The following CTNND2 variants were observed in gnomAD, a reference collection of about 807,000 sequenced individuals.
The protein encoded by CTNND2 is catenin delta 2, also known as catenin delta-2.
CTNND2 carries 22 observed loss-of-function variants against 144.4 expected under a neutral mutation model. The observed-to-expected ratio is 0.15, with a 90% CI of 0.11 to 0.22. The LOEUF (loss-of-function observed/expected upper bound fraction) is 0.22, where lower values mean the gene tolerates loss of function less well. Among genes scored for constraint, CTNND2 ranks in the 10% least tolerant of loss-of-function variants. The probability of loss-of-function intolerance (pLI) is 1.00; values close to 1 mark genes in which losing one functional copy is unlikely to be tolerated. For missense variants in CTNND2, 1,353 were observed against 1,618.8 expected, an observed-to-expected ratio of 0.84 and a Z score of 2.82; for synonymous variants, 751 against 695.6, an observed-to-expected ratio of 1.08 and a Z score of -1.25.
At chr5:11,486,910 T>C (rs1768885880) in intron 3 of CTNND2, among the ~76,000 whole-genome samples, 1 of 152,218 alleles carries the variant, frequency 6.6e-6, no homozygotes, top group Admixed American at 6.5e-5. Flanking sequence ...ATATAGTTTA[T>C]ATCACACATA....
chr5:11,098,711 G>C lies in CTNND2; in HGVS notation c.2501C>G (p.Pro834Arg). The C allele has an allele frequency of 6.2e-7, 1 of 1,614,132 alleles. No homozygotes were observed. The highest frequency in any genetic ancestry group is 8.5e-7 in the Non-Finnish European group (1 of 1,180,002). ...CCACAGCATCTGGATCCCTTTTGGT[G>C]GTTCAGCACAGTCTGGAAGAGGTCC... Reference protein sequence around the residue: ...GVGPLPDCAEPPKGIQMLWHP... With the variant: ...GVGPLPDCAERPKGIQMLWHP... Residue 834 changes from proline (P) to arginine (R), a missense_variant, in exon 15 of 22, where the codon CCA becomes CGA. By Grantham distance (103) the Pro-to-Arg change is moderately radical. Coordinates refer to ENST00000304623, the MANE Select transcript of CTNND2 (RefSeq NM_001332.4).
At chr5:11,273,602 G>T (rs533914510) in intron 9 of CTNND2, among the ~76,000 whole-genome samples, 2 of 152,248 alleles carry the variant, frequency 1.3e-5, no homozygotes, top group African/African-American at 4.8e-5. Flanking sequence ...TCATGGGACC[G>T]TGTGCAGCTC....
intron 2 of CTNND2, among the ~76,000 whole-genome samples, chr5:11,581,658 T>A (rs1024753479): frequency 2.0e-5 from 3 of 152,216 alleles, no homozygotes; most frequent in Admixed American, 2.0e-4. Context: ...AGAGCAATCA[T>A]TCAAAATTAT....
At chr5:11,470,975 TA>T (rs1411241294) in intron 3 of CTNND2, among the ~76,000 whole-genome samples, 47 of 95,734 alleles carry the variant, frequency 4.9e-4, no homozygotes, top group African/African-American at 2.6e-3. Flanking sequence ...TATATATATA[TA>T]TATATTTTTT....
At chr5:11,354,295 T>C (rs773410413) in intron 8 of CTNND2, among the ~76,000 whole-genome samples, 4 of 152,206 alleles carry the variant, frequency 2.6e-5, no homozygotes, top group Non-Finnish European at 4.4e-5. Context: ...TATGTGGTTA[T>C]GGCATAAAAG....
intron 16 of CTNND2, among the ~76,000 whole-genome samples, chr5:11,048,235 A>C (rs922629206): frequency 1.8e-4 from 28 of 152,168 alleles, no homozygotes; most frequent in African/African-American, 6.8e-4. Context: ...TTAGCCATGA[A>C]CAAATAAAAC....
At chr5:11,075,262 C>G (rs1452879947) in intron 16 of CTNND2, among the ~76,000 whole-genome samples, 2 of 152,150 alleles carry the variant, frequency 1.3e-5, no homozygotes, top group African/African-American at 4.8e-5. Flanking sequence ...CCATCTTGTG[C>G]TCCTTTTGAG....
intron 11 of CTNND2, among the ~76,000 whole-genome samples, chr5:11,173,650 T>C (rs543977229): frequency 6.6e-6 from 1 of 152,326 alleles, no homozygotes; most frequent in South Asian, 2.1e-4. Context: ...TAATGTTTCA[T>C]TCCTTCTTGG....
At chr5:11,394,372 A>T (rs1759886920) in intron 6 of CTNND2, among the ~76,000 whole-genome samples, 1 of 152,160 alleles carries the variant, frequency 6.6e-6, no homozygotes, top group Non-Finnish European at 1.5e-5. Flanking sequence ...AATAACCTAG[A>T]CACACAAAGG....
intron 2 of CTNND2, among the ~76,000 whole-genome samples, chr5:11,672,154 G>A (rs1783905606): frequency 6.6e-6 from 1 of 152,208 alleles, no homozygotes; most frequent in Non-Finnish European, 1.5e-5. Flanking sequence ...CCCTCTGGAA[G>A]CTTCGTCCCA....
chr5:11,244,586 G>T (rs565505331), intron 9 of CTNND2, among the ~76,000 whole-genome samples: 1 of 152,112 alleles, frequency 6.6e-6, no homozygotes, highest in Non-Finnish European at 1.5e-5. Flanking sequence ...CGCCCGGCCT[G>T]TCCTATAAAA....
chr5:11,847,686 T>C (rs1287401300), intron 1 of CTNND2, among the ~76,000 whole-genome samples: 2 of 152,146 alleles, frequency 1.3e-5, no homozygotes, highest in African/African-American at 4.8e-5. Context: ...ATAATTACCC[T>C]GCTTTGTTCA....
At chr5:11,527,532 T>C (rs976727864) in intron 3 of CTNND2, among the ~76,000 whole-genome samples, 1 of 149,134 alleles carries the variant, frequency 6.7e-6, no homozygotes. Context: ...CTTTGCTCCA[T>C]CTCAGCCCCT....
At chr5:11,229,459 T>G (rs1476109110) in intron 10 of CTNND2, among the ~76,000 whole-genome samples, 1 of 152,142 alleles carries the variant, frequency 6.6e-6, no homozygotes, top group Admixed American at 6.5e-5. Flanking sequence ...AGTTCAAGGC[T>G]ACAGCACGCT....
intron 18 of CTNND2, among the ~76,000 whole-genome samples, chr5:11,013,377 T>G (rs990810460): frequency 2.0e-5 from 3 of 152,218 alleles, no homozygotes; most frequent in Non-Finnish European, 4.4e-5. Flanking sequence ...TATAGATAAT[T>G]TTGTATGCTT....
At chr5:11,703,878 A>C (rs886698020) in intron 2 of CTNND2, among the ~76,000 whole-genome samples, 1 of 152,220 alleles carries the variant, frequency 6.6e-6, no homozygotes, top group Non-Finnish European at 1.5e-5. Flanking sequence ...TAACTAAAAT[A>C]GTTAAGAAGG....
Position 11,903,877 on chromosome 5 carries a change from C to G in CTNND2, c.-24G>C, listed in dbSNP as rs1437170899. ...ATGCACCCTCCGCCGGCGACAGCTCCTCAGTCCGGGAAGAGGCGTGCGCGG... is the reference window on the plus strand; with the variant it reads ...ATGCACCCTCCGCCGGCGACAGCTCGTCAGTCCGGGAAGAGGCGTGCGCGG... On this transcript the variant is annotated 5_prime_UTR_variant, in exon 1 of 22. Coordinates refer to ENST00000304623, the MANE Select transcript of CTNND2 (RefSeq NM_001332.4). This position sits in a 1 kb window ranked among gnomAD's most constrained non-coding sequence, Gnocchi z 5.4. 6.8e-7 allele frequency: 1 copy of G among 1,461,536 alleles called. No homozygotes were observed. The highest frequency in any genetic ancestry group is 1.5e-5 in the African/African-American group (1 of 67,930). The allele number at this position is 1,461,536 out of a possible 1,614,324, so 90.5% of individuals were successfully genotyped here.
In CTNND2 at chr5:11,364,745, C is replaced by T; in HGVS notation, c.1323G>A (p.Gln441=). ...KPPMRSLSQS[Q]GDPLPPAHTG... ...TGTGTGCTGGCGGCAGAGGGTCCCCCTGGCTCTGGCTGAGACTCCTCATAG... is the reference window on the plus strand; with the variant it reads ...TGTGTGCTGGCGGCAGAGGGTCCCCTTGGCTCTGGCTGAGACTCCTCATAG... Residue 441 remains glutamine, a synonymous_variant, in exon 8 of 22, where the codon CAG becomes CAA. Transcript: ENST00000304623. 2.5e-6 allele frequency: 4 copies of T among 1,613,886 alleles called. No individual in the cohort carries two copies. The highest frequency in any genetic ancestry group is 3.4e-6 in the Non-Finnish European group (4 of 1,179,938).
At chr5:11,797,772 T>C (rs1053206181) in intron 1 of CTNND2, among the ~76,000 whole-genome samples, 1 of 152,246 alleles carries the variant, frequency 6.6e-6, no homozygotes. Context: ...TTCTTGTATC[T>C]ATGTATATGA....
Sources: allele counts gnomAD v4.1 joint callset (sites outside exome capture counted in the v4.1 genomes callset), GRCh38; gene constraint gnomAD v4.1.1; non-coding constraint Gnocchi (gnomAD v3.1); transcripts MANE v1.5; gene names NCBI Gene and HGNC (gene_info 2026-07-23, HGNC 2026-07-21).